The following AKR1B1 variants were observed in gnomAD, a reference collection of about 807,000 sequenced individuals.
AKR1B1 encodes aldo-keto reductase family 1 member B, also known as aldo-keto reductase family 1 member B1.
A neutral mutation model predicts 40.4 loss-of-function variants in AKR1B1; 22 were observed. The observed-to-expected ratio is 0.54, with a 90% CI of 0.39 to 0.78. AKR1B1 has a LOEUF of 0.78. AKR1B1 is among the 30% of genes least tolerant of loss of function. AKR1B1 has a pLI of 0.00. For synonymous variants in AKR1B1, 157 were observed against 149.9 expected (o/e 1.05, Z -0.35); for missense variants, 357 against 396.7 (o/e 0.90, Z 0.85).
intron 8 of AKR1B1, among the ~76,000 whole-genome samples, chr7:134,446,143 T>C (rs1398667413): frequency 3.3e-5 from 5 of 152,274 alleles, no homozygotes; most frequent in Non-Finnish European, 5.9e-5. Context: ...ATTAGTCATT[T>C]ATTTTTTCTT....
chr7:134,449,866 A>T, intron 3 of AKR1B1, 69 bp from the exon 4 acceptor site: 1 of 1,316,658 alleles, frequency 7.6e-7, no homozygotes, highest in South Asian at 1.2e-5. Flanking sequence ...TGCTGGGGGA[A>T]GCTGGCATCT....
At chr7:134,451,938 C>T (rs773997845) in intron 1 of AKR1B1, 185 bp from the exon 2 acceptor site, 9 of 674,624 alleles carry the variant, frequency 1.3e-5, no homozygotes, top group Admixed American at 8.3e-5. Flanking sequence ...AAGTGAAAGG[C>T]CACACAGCAT....
chr7:134,457,846 A>G (rs540675811), intron 1 of AKR1B1, among the ~76,000 whole-genome samples: 17 of 152,228 alleles, frequency 1.1e-4, no homozygotes, highest in Non-Finnish European at 2.1e-4. Flanking sequence ...GGGGAAGAAA[A>G]AAGATTAGCC....
chr7:134,451,847 T>G (rs1174944449), intron 1 of AKR1B1, 94 bp from the exon 2 acceptor site: 4 of 1,397,314 alleles, frequency 2.9e-6, no homozygotes, highest in Admixed American at 1.9e-5. Flanking sequence ...CTGACCAGCC[T>G]GCCACTTTGT....
At chr7:134,448,965 T>C (rs375815110) in intron 5 of AKR1B1, 32 bp downstream of exon 5, 16 of 1,613,706 alleles carry the variant, frequency 9.9e-6, no homozygotes, top group South Asian at 4.4e-5. Flanking sequence ...AACAGCAACG[T>C]TGCAATGCCA....
intron 7 of AKR1B1, 176 bp downstream of exon 7, chr7:134,447,804 C>T: frequency 1.4e-6 from 1 of 709,870 alleles, no homozygotes; most frequent in Non-Finnish European, 2.6e-6. Flanking sequence ...ATCTAAGAGC[C>T]CATGCCAGAG....
At chr7:134,443,942 C>A (rs933533331) in intron 9 of AKR1B1, among the ~76,000 whole-genome samples, 1 of 152,008 alleles carries the variant, frequency 6.6e-6, no homozygotes, top group South Asian at 2.1e-4. Flanking sequence ...CTCACCGCCA[C>A]GCAACAGGAT....
rs1262077828 is a variant in AKR1B1 at position 134,445,458 on chromosome 7, T to C, written c.826-138A>G. On this transcript the variant is annotated intron_variant, in intron 8 of 9. Transcript: ENST00000285930. The stretch of plus-strand genomic sequence containing the variant: ...AAACTGAACTTAGGAAAAGCTGATA[T>C]ATTAGTATTCAGGAAATGTGCATGT... 2.0e-5 allele frequency: 15 copies of C among 747,158 alleles called. No homozygotes were observed. In the Admixed American group the frequency reaches 2.9e-4, roughly 14 times the overall value. The allele number at this position is 747,158 out of a possible 1,614,324, so 46.3% of individuals were successfully genotyped here.
chr7:134,449,801 T>A lies in AKR1B1; in HGVS notation c.352-4A>T. ...ATGGGAAAAATTCCTTCCCAGGCTG[T>A]CATTACAATAAAAAACAAACAAACA... On this transcript the variant is annotated splice_region_variant and splice_polypyrimidine_tract_variant and intron_variant, in intron 3 of 9. Coordinates refer to ENST00000285930, the MANE Select transcript of AKR1B1 (RefSeq NM_001628.4). The A allele has an allele frequency of 6.2e-7, 1 of 1,612,978 alleles. No homozygotes were observed. The highest frequency in any genetic ancestry group is 8.5e-7 in the Non-Finnish European group (1 of 1,178,974).
chr7:134,449,137 T>C lies in AKR1B1; in HGVS notation c.430-18A>G. ...TCCATGGCCTACAGAGAAAAGTGTC[T>C]GTGTGGTGCAGAAACGAACCCAGAA... On this transcript the variant is annotated intron_variant, in intron 4 of 9. Transcript: ENST00000285930. 1.2e-6 allele frequency: 2 copies of C among 1,608,436 alleles called. No homozygotes were observed. Among genetic ancestry groups the C allele is most frequent in the East Asian group, 2.2e-5 (1 of 44,880 alleles).
chr7:134,452,313 A>C (rs1246618945), intron 1 of AKR1B1, among the ~76,000 whole-genome samples: 1 of 152,174 alleles, frequency 6.6e-6, no homozygotes, highest in African/African-American at 2.4e-5. Context: ...ATGTTTATTC[A>C]AAGGCCCATG....
Position 134,442,581 on chromosome 7 carries a change from A to G in AKR1B1, c.*147T>C, listed in dbSNP as rs1450188030. 4 of 689,510 alleles carry G rather than the reference A, an allele frequency of 5.8e-6. No individual in the cohort carries two copies. Among genetic ancestry groups the G allele is most frequent in the Non-Finnish European group, 7.6e-6 (3 of 395,498 alleles). The allele number at this position is 689,510 out of a possible 1,614,324, so 42.7% of individuals were successfully genotyped here. On this transcript the variant is annotated 3_prime_UTR_variant, in exon 10 of 10. Coordinates refer to ENST00000285930, the MANE Select transcript of AKR1B1 (RefSeq NM_001628.4). ...CTACTGACAGGGCTCTTGAGATCCA[A>G]CATCAAGCTAGACACGCCCTCGCTG...
chr7:134,451,514 C>G, intron 2 of AKR1B1, 72 bp downstream of exon 2: 1 of 1,573,742 alleles, frequency 6.4e-7, no homozygotes, highest in South Asian at 1.1e-5. Flanking sequence ...TGAGTGTGGA[C>G]TTGGCTTTGG....
At chr7:134,456,060 G>A (rs1001149645) in intron 1 of AKR1B1, among the ~76,000 whole-genome samples, 6 of 152,204 alleles carry the variant, frequency 3.9e-5, no homozygotes, top group Admixed American at 6.5e-5. Context: ...CAGCCGCTAC[G>A]GCATGGGAAG....
chr7:134,453,678 T>C (rs1003180491), intron 1 of AKR1B1, among the ~76,000 whole-genome samples: 30 of 152,126 alleles, frequency 2.0e-4, no homozygotes, highest in Middle Eastern at 3.2e-3. Flanking sequence ...AAGACAGCAA[T>C]GACTGCAAGA....
At chr7:134,455,283 C>T (rs554756216) in intron 1 of AKR1B1, among the ~76,000 whole-genome samples, 1 of 151,964 alleles carries the variant, frequency 6.6e-6, no homozygotes, top group Admixed American at 6.6e-5. Flanking sequence ...AGCAGAAGTA[C>T]AATATTATCT....
intron 1 of AKR1B1, among the ~76,000 whole-genome samples, chr7:134,456,309 C>T (rs1806470858): frequency 6.6e-6 from 1 of 152,066 alleles, no homozygotes; most frequent in African/African-American, 2.4e-5. Flanking sequence ...AAGCGATTTT[C>T]CTGCCTCAGC....
chr7:134,449,217 T>G (rs2117453519), intron 4 of AKR1B1, 98 bp from the exon 5 acceptor site: 1 of 1,524,204 alleles, frequency 6.6e-7, no homozygotes, highest in South Asian at 1.1e-5. Flanking sequence ...GCCCTCACTC[T>G]TCAGTGCCAG....
upstream of AKR1B1, chr7:134,459,167 C>T (rs773014969): frequency 6.6e-6 from 9 of 1,372,322 alleles, no homozygotes; most frequent in Non-Finnish European, 9.1e-6. Flanking sequence ...CTGCGGTTGG[C>T]GCGCCGCTGC....
Sources: gnomAD v4.1 joint callset for allele counts (sites outside exome capture counted in the v4.1 genomes callset) on GRCh38, gnomAD v4.1.1 for gene constraint, MANE v1.5 for transcripts, NCBI Gene and HGNC (gene_info 2026-07-23, HGNC 2026-07-21) for gene names.